C8orf34: variants seen among roughly 807,000 people sequenced by gnomAD.
C8orf34 encodes uncharacterized protein C8orf34.
A neutral mutation model predicts 68.3 loss-of-function variants in C8orf34; 65 were observed. That is an observed-to-expected ratio of 0.95 (90% CI 0.78 to 1.17). C8orf34 has a LOEUF of 1.17. C8orf34 is among the 50% of genes most tolerant of loss of function. C8orf34 has a pLI of 0.00. For missense variants in C8orf34, 664 were observed against 655.4 expected (o/e 1.01, Z -0.14); for synonymous variants, 244 against 241.2 (o/e 1.01, Z -0.11).
intron 1 of C8orf34, among the ~76,000 whole-genome samples, chr8:68,389,914 T>C (rs1808411391): frequency 1.3e-5 from 2 of 152,256 alleles, no homozygotes; most frequent in Admixed American, 1.3e-4. Flanking sequence ...ATCCTAACGA[T>C]GACCACTTTT....
intron 10 of C8orf34, among the ~76,000 whole-genome samples, chr8:68,766,874 C>T (rs1183339660): frequency 1.3e-5 from 2 of 152,086 alleles, no homozygotes; most frequent in Non-Finnish European, 2.9e-5. Context: ...AATGAGAACA[C>T]CACTGATGCC....
intron 7 of C8orf34, among the ~76,000 whole-genome samples, chr8:68,577,278 T>G (rs530402779): frequency 1.3e-5 from 2 of 152,004 alleles, no homozygotes; most frequent in African/African-American, 4.8e-5. Context: ...CATACATATA[T>G]TCAATGAGTT....
chr8:68,534,958 A>G, intron 7 of C8orf34: 2 of 985,372 alleles, frequency 2.0e-6, no homozygotes, highest in African/African-American at 3.5e-5. Context: ...GAGCAAGTTT[A>G]ATAATAAGAG....
chr8:68,542,039 C>T (rs1815720091), intron 7 of C8orf34, among the ~76,000 whole-genome samples: 2 of 152,140 alleles, frequency 1.3e-5, no homozygotes, highest in Admixed American at 1.3e-4. Context: ...TTTGCCACTA[C>T]TTTTAATGGC....
intron 10 of C8orf34, among the ~76,000 whole-genome samples, chr8:68,737,504 G>A (rs1474984928): frequency 2.6e-5 from 4 of 151,774 alleles, no homozygotes; most frequent in Non-Finnish European, 4.4e-5. Flanking sequence ...AAGGCCCATT[G>A]GTATGCTGTC....
chr8:68,539,907 G>A (rs1048337633), intron 7 of C8orf34, among the ~76,000 whole-genome samples: 3 of 151,152 alleles, frequency 2.0e-5, no homozygotes, highest in African/African-American at 7.4e-5. Context: ...ACGGAAGAGT[G>A]GGCACAAAAC....
chr8:68,733,334 G>T (rs1364026432), intron 10 of C8orf34, among the ~76,000 whole-genome samples: 1 of 152,072 alleles, frequency 6.6e-6, no homozygotes, highest in Non-Finnish European at 1.5e-5. Flanking sequence ...TGTAAGCCTG[G>T]GGAGCCAGGA....
chr8:68,544,955 A>G (rs1292955544), intron 7 of C8orf34, among the ~76,000 whole-genome samples: 1 of 152,206 alleles, frequency 6.6e-6, no homozygotes, highest in Admixed American at 6.5e-5. Flanking sequence ...AAAGAAAAAT[A>G]ATGGAAAAAA....
intron 12 of C8orf34, among the ~76,000 whole-genome samples, chr8:68,794,506 T>TATACA (rs58048066): frequency 2.2e-4 from 13 of 59,036 alleles, no homozygotes; most frequent in South Asian, 1.1e-3. Flanking sequence ...TATATATATA[T>TATACA]TTTTTTTTTT....
chr8:68,345,775 A>T (rs1037906637), intron 1 of C8orf34, among the ~76,000 whole-genome samples: 1 of 152,058 alleles, frequency 6.6e-6, no homozygotes, highest in Non-Finnish European at 1.5e-5. Context: ...TGTATTATAT[A>T]TATGTGTGTG....
chr8:68,550,918 C>G (rs1349715342), intron 7 of C8orf34, among the ~76,000 whole-genome samples: 3 of 151,194 alleles, frequency 2.0e-5, no homozygotes, highest in Non-Finnish European at 4.4e-5. Context: ...TCTGCTTCCC[C>G]CCCTCTGGTT....
chr8:68,654,266 G>A (rs1819448069), intron 8 of C8orf34, among the ~76,000 whole-genome samples: 2 of 152,148 alleles, frequency 1.3e-5, no homozygotes, highest in East Asian at 3.8e-4. Flanking sequence ...CCAGCCTACA[G>A]AAGTGTGAGC....
intron 1 of C8orf34, among the ~76,000 whole-genome samples, chr8:68,372,502 G>C (rs1807602809): frequency 6.6e-6 from 1 of 152,118 alleles, no homozygotes; most frequent in Non-Finnish European, 1.5e-5. Context: ...TCTCTGGTGG[G>C]CCAAGGGGTT....
chr8:68,431,421 T>C (rs1215387092), intron 1 of C8orf34, among the ~76,000 whole-genome samples: 1 of 152,228 alleles, frequency 6.6e-6, no homozygotes, highest in Non-Finnish European at 1.5e-5. Flanking sequence ...TTTGAACTGC[T>C]TTGCTCTTTC....
intron 10 of C8orf34, among the ~76,000 whole-genome samples, chr8:68,746,529 C>T (rs979228346): frequency 1.8e-5 from 2 of 112,884 alleles, no homozygotes; most frequent in South Asian, 3.4e-4. Flanking sequence ...CAAATAGATG[C>T]AATAAAAAAT....
Position 68,818,229 on chromosome 8 carries a change from T to C in C8orf34, c.1610-10T>C, listed in dbSNP as rs574571750. On this transcript the variant is annotated splice_polypyrimidine_tract_variant and intron_variant, in intron 13 of 13. Transcript: ENST00000518698. ...AGCACATTTTCTTCTGTTTCATTTCTCCTCTGCAGGTTTGTGAAACAGAGA... is the reference window on the plus strand; with the variant it reads ...AGCACATTTTCTTCTGTTTCATTTCCCCTCTGCAGGTTTGTGAAACAGAGA... 1.4e-5 allele frequency: 23 copies of C among 1,612,272 alleles called. No homozygotes were observed. The East Asian group carries it at 2.7e-4, about 19-fold the overall frequency.
intron 10 of C8orf34, among the ~76,000 whole-genome samples, chr8:68,748,931 T>C (rs952067001): frequency 5.3e-5 from 8 of 152,144 alleles, no homozygotes; most frequent in Non-Finnish European, 1.0e-4. Flanking sequence ...TAACGACACA[T>C]GCACACGTAT....
rs1201539908 is a variant in C8orf34 at position 68,735,389 on chromosome 8, C to T, written c.1404+13952C>T. Among the ~76,000 whole-genome samples the T allele has an allele frequency of 3.3e-5, 5 of 152,280 alleles. No homozygotes were observed. In the East Asian group the frequency reaches 7.7e-4, roughly 23 times the overall value. ...ATCCTATTTTCTTATGGAGCATTAA[C>T]GATAACACGTAGCTGCATCATGTGA... On this transcript the variant is annotated intron_variant, in intron 10 of 13. Coordinates refer to ENST00000518698, the MANE Select transcript of C8orf34 (RefSeq NM_052958.4).
intron 10 of C8orf34, among the ~76,000 whole-genome samples, chr8:68,760,617 A>G (rs573997998): frequency 2.6e-5 from 4 of 152,220 alleles, no homozygotes; most frequent in Non-Finnish European, 4.4e-5. Flanking sequence ...TACTTATTAA[A>G]TTCTCATAAG....
Sources: gnomAD v4.1 joint callset for allele counts (sites outside exome capture counted in the v4.1 genomes callset) on GRCh38, gnomAD v4.1.1 for gene constraint, MANE v1.5 for transcripts, NCBI Gene and HGNC (gene_info 2026-07-23, HGNC 2026-07-21) for gene names.